LRCH1: variants seen among roughly 807,000 people sequenced by gnomAD.
LRCH1 encodes leucine rich repeats and calponin homology domain containing 1, also known as leucine-rich repeat and calponin homology domain-containing protein 1.
A neutral mutation model predicts 94.9 loss-of-function variants in LRCH1; 23 were observed. The observed-to-expected ratio is 0.24, with a 90% CI of 0.17 to 0.34. LRCH1 has a LOEUF of 0.34. Ranked by LOEUF, LRCH1 falls within the 10% of genes least tolerant of loss-of-function variation. The pLI, the probability that LRCH1 is intolerant of heterozygous loss-of-function variation, is 1.00. For synonymous variants in LRCH1, 364 were observed against 354.9 expected, an observed-to-expected ratio of 1.03 and a Z score of -0.29; for missense variants, 790 against 945.9, an observed-to-expected ratio of 0.84 and a Z score of 2.16.
chr13:46,677,255 C>CAAAAAAAAAAAAAA (rs67827727), intron 3 of LRCH1, among the ~76,000 whole-genome samples: 3 of 98,058 alleles, frequency 3.1e-5, no homozygotes, highest in African/African-American at 3.6e-5. Flanking sequence ...ACTAAAAATA[C>CAAAAAAAAAAAAAA]AAAAAAAAAA....
intron 1 of LRCH1, among the ~76,000 whole-genome samples, chr13:46,628,245 G>A (rs1024179311): frequency 6.6e-6 from 1 of 152,102 alleles, no homozygotes; most frequent in Non-Finnish European, 1.5e-5. Context: ...GGGATGTAAG[G>A]AAGGATATGA....
At chr13:46,686,142 C>G in intron 5 of LRCH1, 101 bp downstream of exon 5, 1 of 1,198,668 alleles carries the variant, frequency 8.3e-7, no homozygotes, top group Admixed American at 3.1e-5. Flanking sequence ...CTGAAAATCA[C>G]TAATCACTGG....
Position 46,553,581 on chromosome 13 carries a change from G to T in LRCH1, c.185G>T (p.Gly62Val), listed in dbSNP as rs2050025995. The change falls in exon 1 of 20, where the codon GGT becomes GTT. Residue 62 changes from glycine to valine, a missense_variant. Transcript: ENST00000389797. Reference sequence around the variant, plus strand: ...GGCTTCAACCTGCCCTTGAACCGGGGTCTGGAGCGCGCGCTTGAGGAGGCG... The same window carrying T: ...GGCTTCAACCTGCCCTTGAACCGGGTTCTGGAGCGCGCGCTTGAGGAGGCG... ...SGGFNLPLNR[G>V]LERALEEAAN... 6.4e-7 allele frequency: 1 copy of T among 1,552,988 alleles called. No individual in the cohort carries two copies. The highest frequency in any genetic ancestry group is 2.4e-5 in the East Asian group (1 of 41,020).
At chr13:46,691,348 T>G (rs926458347) in intron 7 of LRCH1, among the ~76,000 whole-genome samples, 2 of 152,244 alleles carry the variant, frequency 1.3e-5, no homozygotes, top group Non-Finnish European at 2.9e-5. Context: ...CGAAGCTTTC[T>G]TCCAAAAATC....
intron 1 of LRCH1, among the ~76,000 whole-genome samples, chr13:46,634,592 C>T (rs1201236477): frequency 3.3e-5 from 5 of 152,250 alleles, no homozygotes; most frequent in African/African-American, 9.6e-5. Context: ...GCTCAGCTTA[C>T]AGCTCAATGC....
chr13:46,655,297 G>GA (rs1310472130), intron 2 of LRCH1, among the ~76,000 whole-genome samples: 2 of 152,096 alleles, frequency 1.3e-5, no homozygotes, highest in African/African-American at 2.4e-5. Context: ...ATTAGCACAT[G>GA]AAAAAAATCC....
At chr13:46,625,632 GTTT>G (rs3040224) in intron 1 of LRCH1, among the ~76,000 whole-genome samples, 2 of 127,194 alleles carry the variant, frequency 1.6e-5, no homozygotes, top group Admixed American at 8.4e-5. Flanking sequence ...AATGTGTGGG[GTTT>G]TTTTTTTTTT....
At chr13:46,748,907 G>A (rs56792478), downstream of LRCH1, among the ~76,000 whole-genome samples, 8,321 of 152,260 alleles carry the variant, frequency 0.055, 721 homozygotes, top group African/African-American at 0.18. Context: ...AAGCAGATAC[G>A]GTAAGATGGT....
intron 3 of LRCH1, among the ~76,000 whole-genome samples, chr13:46,679,275 G>A (rs1266515432): frequency 6.6e-6 from 1 of 152,204 alleles, no homozygotes; most frequent in Non-Finnish European, 1.5e-5. Flanking sequence ...TGTGGTATTT[G>A]TGTGAGGACT....
chr13:46,563,609 T>C (rs1363792686), intron 1 of LRCH1, among the ~76,000 whole-genome samples: 1 of 152,244 alleles, frequency 6.6e-6, no homozygotes, highest in Non-Finnish European at 1.5e-5. Flanking sequence ...CTCCAAGTGC[T>C]TTATATGCAA....
intron 1 of LRCH1, among the ~76,000 whole-genome samples, chr13:46,604,726 T>G (rs2050668967): frequency 6.6e-6 from 1 of 152,198 alleles, no homozygotes; most frequent in African/African-American, 2.4e-5. Context: ...TATGAAATGC[T>G]TTGAACTAGG....
chr13:46,750,580 G>A (rs896848654), exon 19 of LRCH1: 1 of 1,551,932 alleles, frequency 6.4e-7, no homozygotes, highest in Non-Finnish European at 8.7e-7. Context: ...GAAGAAAAAG[G>A]CCTGGTCAAA....
chr13:46,617,040 C>A (rs2050818322), intron 1 of LRCH1, among the ~76,000 whole-genome samples: 1 of 151,764 alleles, frequency 6.6e-6, no homozygotes, highest in African/African-American at 2.4e-5. Context: ...ATTTTTACTT[C>A]TTTTGTGGAT....
At chr13:46,650,469 A>T in intron 2 of LRCH1, 124 bp downstream of exon 2, 1 of 684,124 alleles carries the variant, frequency 1.5e-6, no homozygotes, top group Non-Finnish European at 2.3e-6. Flanking sequence ...GGTCACACAC[A>T]GATGTTTTAA....
chr13:46,732,896 C>G (rs1014243518), intron 18 of LRCH1, among the ~76,000 whole-genome samples: 1 of 152,210 alleles, frequency 6.6e-6, no homozygotes, highest in Non-Finnish European at 1.5e-5. Flanking sequence ...GACGTGACTT[C>G]CTCCCTAATC....
intron 2 of LRCH1, among the ~76,000 whole-genome samples, chr13:46,660,283 G>A (rs542763418): frequency 6.6e-6 from 1 of 151,980 alleles, no homozygotes; most frequent in East Asian, 1.9e-4. Context: ...CAAAGTGCTG[G>A]GATTACAGGC....
chr13:46,693,770 C>G lies in LRCH1; in HGVS notation c.1121-1123C>G, dbSNP rs150727544. Among the ~76,000 whole-genome samples the G allele has an allele frequency of 2.8e-4, 43 of 152,174 alleles. 1 individual carries two copies. Among genetic ancestry groups the G allele is most frequent in the African/African-American group, 9.6e-4 (40 of 41,508 alleles). On this transcript the variant is annotated intron_variant, in intron 8 of 19. Coordinates refer to ENST00000389797, the MANE Select transcript of LRCH1 (RefSeq NM_001164211.2). ...AACATTAAGGCGATTTTTTGATTGC[C>G]CCTGTTTCCCCATGACTTTTAAGGA...
intron 1 of LRCH1, among the ~76,000 whole-genome samples, chr13:46,629,607 C>A (rs2050994941): frequency 6.6e-6 from 1 of 152,146 alleles, no homozygotes; most frequent in South Asian, 2.1e-4. Context: ...GTGGAGGGCT[C>A]TGTGGTTCTG....
chr13:46,632,570 A>G (rs544586035), intron 1 of LRCH1, among the ~76,000 whole-genome samples: 1 of 152,390 alleles, frequency 6.6e-6, no homozygotes, highest in South Asian at 2.1e-4. Flanking sequence ...AAGACAATTG[A>G]AAATGAAAAG....
Sources: allele counts gnomAD v4.1 joint callset (sites outside exome capture counted in the v4.1 genomes callset), GRCh38; gene constraint gnomAD v4.1.1; transcripts MANE v1.5; gene names NCBI Gene and HGNC (gene_info 2026-07-23, HGNC 2026-07-21).